MGLL: variants seen among roughly 807,000 people sequenced by gnomAD.
The protein encoded by MGLL is monoglyceride lipase.
In MGLL, 7 loss-of-function variants were observed where a neutral mutation model predicts 29.1. That is an observed-to-expected ratio of 0.24 (90% CI 0.14 to 0.45). The LOEUF (loss-of-function observed/expected upper bound fraction) is 0.45, where lower values mean the gene tolerates loss of function less well. Among genes scored for constraint, MGLL ranks in the 20% least tolerant of loss-of-function variants. The pLI is 0.99. For missense variants in MGLL, 356 were observed against 413.6 expected, an observed-to-expected ratio of 0.86 and a Z score of 1.21; for synonymous variants, 148 against 168.3, an observed-to-expected ratio of 0.88 and a Z score of 0.93.
intron 3 of MGLL, chr3:127,735,653 T>G: frequency 6.5e-7 from 1 of 1,538,488 alleles, no homozygotes; most frequent in Non-Finnish European, 8.8e-7. Context: ...TCCAGTCACC[T>G]CCTGTCTACT....
chr3:127,772,505 T>C (rs921554184), intron 3 of MGLL, among the ~76,000 whole-genome samples: 5 of 152,212 alleles, frequency 3.3e-5, no homozygotes, highest in Admixed American at 2.6e-4. Flanking sequence ...TGAACCGTCC[T>C]GCACACTACC....
intron 2 of MGLL, among the ~76,000 whole-genome samples, chr3:127,785,453 T>C (rs558511138): frequency 1.6e-4 from 24 of 152,356 alleles, no homozygotes; most frequent in Admixed American, 7.8e-4. Context: ...CCCTTCAGGG[T>C]TTCACAAAAC....
At chr3:127,768,664 C>G (rs2076897684) in intron 3 of MGLL, among the ~76,000 whole-genome samples, 1 of 152,182 alleles carries the variant, frequency 6.6e-6, no homozygotes, top group Non-Finnish European at 1.5e-5. Context: ...GCATTTCCTT[C>G]CCCCTCCCCT....
At chr3:127,708,677 C>G (rs759503772) in intron 6 of MGLL, among the ~76,000 whole-genome samples, 36 of 152,324 alleles carry the variant, frequency 2.4e-4, no homozygotes, top group Middle Eastern at 3.4e-3. Context: ...CCCTCCCTGA[C>G]CCATCTTTCT....
At chr3:127,693,499 CTCT>C (rs1196707755) in intron 7 of MGLL, among the ~76,000 whole-genome samples, 1 of 152,150 alleles carries the variant, frequency 6.6e-6, no homozygotes, top group Non-Finnish European at 1.5e-5. Context: ...TCACTGGCTG[CTCT>C]TCTTATGGCT....
chr3:127,734,477 G>A (rs1298962405), intron 3 of MGLL, among the ~76,000 whole-genome samples: 1 of 152,064 alleles, frequency 6.6e-6, no homozygotes, highest in Admixed American at 6.5e-5. Context: ...CTGGGGGTTC[G>A]GCACAGACAG....
At chr3:127,715,137 T>G (rs564486976) in intron 5 of MGLL, among the ~76,000 whole-genome samples, 1 of 152,300 alleles carries the variant, frequency 6.6e-6, no homozygotes, top group South Asian at 2.1e-4. Context: ...AGTGCTGCCC[T>G]GAGAGATTCT....
At chr3:127,735,497 G>A (rs1476044271) in intron 3 of MGLL, among the ~76,000 whole-genome samples, 1 of 152,222 alleles carries the variant, frequency 6.6e-6, no homozygotes, top group Admixed American at 6.5e-5. Flanking sequence ...AATCACAGAA[G>A]ACTGAGTAAG....
chr3:127,750,724 T>C (rs1272332362), intron 3 of MGLL, among the ~76,000 whole-genome samples: 1 of 152,172 alleles, frequency 6.6e-6, no homozygotes. Flanking sequence ...GTTTTGTCCT[T>C]TGGGTTTTCC....
chr3:127,814,300 C>A (rs1288593897), intron 2 of MGLL, among the ~76,000 whole-genome samples: 1 of 152,098 alleles, frequency 6.6e-6, no homozygotes, highest in Non-Finnish European at 1.5e-5. Context: ...AACAATGTCA[C>A]CCCGTTTCAC....
At chr3:127,730,795 GC>G (rs1163109450) in intron 3 of MGLL, among the ~76,000 whole-genome samples, 3 of 152,196 alleles carry the variant, frequency 2.0e-5, no homozygotes, top group Non-Finnish European at 4.4e-5. Context: ...GCTCTGTGCT[GC>G]AGTGGCTTCT....
intron 3 of MGLL, among the ~76,000 whole-genome samples, chr3:127,769,163 C>G (rs2076907726): frequency 6.6e-6 from 1 of 152,174 alleles, no homozygotes; most frequent in Admixed American, 6.5e-5. Context: ...GCCAGCTTGG[C>G]CAACATGGTG....
At chr3:127,701,020 GC>G (rs1303150309) in intron 6 of MGLL, among the ~76,000 whole-genome samples, 1 of 151,998 alleles carries the variant, frequency 6.6e-6, no homozygotes, top group African/African-American at 2.4e-5. Flanking sequence ...TTCAGAACCA[GC>G]CTGGGCAACA....
In MGLL at chr3:127,761,191, T is replaced by C. The variant is rs1410591027; in HGVS notation, c.262+20598A>G. Among the ~76,000 whole-genome samples, 2 of 152,192 alleles carry C rather than the reference T, an allele frequency of 1.3e-5. No individual in the cohort carries two copies. The highest frequency in any genetic ancestry group is 1.9e-4 in the East Asian group (1 of 5,194). ...TTGCTGTGTTCAGATAACGTACAAT[T>C]CCCTGTGGCCATCCGGACCCTTCGC... On this transcript the variant is annotated intron_variant, in intron 3 of 7. Transcript: ENST00000265052. The surrounding 1 kb of genome is among the most constrained non-coding windows in gnomAD (Gnocchi z 4.6).
chr3:127,756,946 A>G (rs2076676250), intron 3 of MGLL, among the ~76,000 whole-genome samples: 1 of 152,144 alleles, frequency 6.6e-6, no homozygotes. Flanking sequence ...TTCTTGCCAT[A>G]CATCCCTTCA....
chr3:127,770,432 C>T (rs1248715127), intron 3 of MGLL, among the ~76,000 whole-genome samples: 1 of 152,130 alleles, frequency 6.6e-6, no homozygotes, highest in African/African-American at 2.4e-5. Flanking sequence ...GAATGCAGTG[C>T]TCAGCCCTCT....
intron 3 of MGLL, among the ~76,000 whole-genome samples, chr3:127,748,393 GGAGAGAGAGAGAGAAAGAGA>G (rs1559942488): frequency 1.4e-5 from 2 of 146,900 alleles, no homozygotes; most frequent in African/African-American, 2.6e-5. Flanking sequence ...AGGGAGGGAG[GGAGAGAGAGAGAGAAAGAGA>G]GAGAGAGAGA....
At chr3:127,713,512 C>T (rs1016249943) in intron 5 of MGLL, 1 of 152,354 alleles carries the variant, frequency 6.6e-6, no homozygotes, top group African/African-American at 2.4e-5. Flanking sequence ...GCTTCCTACC[C>T]ATTCCCTGAC....
rs1205980318 is a variant in MGLL, at chr3:127,781,864, C to T, written c.187G>A (p.Glu63Lys). The change falls in exon 3 of 8, where the codon GAG becomes AAG. Residue 63 changes from glutamate to lysine, a missense_variant. By Grantham distance (56) the Glu-to-Lys change is moderately conservative. Transcript: ENST00000265052. Reference sequence around the variant, plus strand: ...AGCTCTTCATAGCGGCCACTGTGCTCTCCGGCTCCATGGGACACAAAGATG... The same window carrying T: ...AGCTCTTCATAGCGGCCACTGTGCTTTCCGGCTCCATGGGACACAAAGATG... ...ALIFVSHGAG[E>K]HSGRYEELAR... is the part of the protein sequence containing the mutation. 1.2e-6 allele frequency: 2 copies of T among 1,613,928 alleles called. No homozygotes were observed. Among genetic ancestry groups the T allele is most frequent in the East Asian group, 2.2e-5 (1 of 44,878 alleles).
Sources: gnomAD v4.1 joint callset for allele counts (sites outside exome capture counted in the v4.1 genomes callset) on GRCh38, gnomAD v4.1.1 for gene constraint, Gnocchi (gnomAD v3.1) non-coding constraint, MANE v1.5 for transcripts, NCBI Gene and HGNC (gene_info 2026-07-23, HGNC 2026-07-21) for gene names.